Variants in KLHL13 observed in about 807,000 individuals in gnomAD.
KLHL13 encodes kelch like family member 13, also known as kelch-like protein 13.
A neutral mutation model predicts 37.1 loss-of-function variants in KLHL13; 10 were observed. The ratio of observed to expected loss-of-function variants is 0.27; its 90% CI spans 0.17 to 0.46. The LOEUF (loss-of-function observed/expected upper bound fraction) is 0.46, where lower values mean the gene tolerates loss of function less well. KLHL13 is among the 20% of genes least tolerant of loss of function. The pLI, the probability that KLHL13 is intolerant of heterozygous loss-of-function variation, is 1.00. For missense variants in KLHL13, 360 were observed against 509.3 expected, an observed-to-expected ratio of 0.71 and a Z score of 2.82; for synonymous variants, 163 against 181.2, an observed-to-expected ratio of 0.90 and a Z score of 0.81.
chrX:117,905,010 T>C (rs1346128992), intron 5 of KLHL13, among the ~76,000 whole-genome samples: 1 of 111,578 alleles, frequency 9.0e-6, no homozygotes, highest in Middle Eastern at 4.7e-3. Context: ...ATGTGGAATT[T>C]ATTTGTTCTT....
In KLHL13 at chrX:118,023,413, T is replaced by C. The variant is rs746561547; in HGVS notation, c.-55-77838A>G. 3.4e-4 allele frequency among the ~76,000 whole-genome samples: 38 copies of C among 111,383 alleles called. 1 individual carries two copies. Among genetic ancestry groups the C allele is most frequent in the African/African-American group, 1.2e-3 (38 of 30,665 alleles). ...CATGTCTTTTAAGGGCTCTTTTCTA[T>C]TCTTAAAAGGAGCATGTAATTGTTT... On this transcript the variant is annotated intron_variant, in intron 1 of 6. Transcript: ENST00000371882.
At chrX:118,036,670 G>T (rs1391827971) in intron 1 of KLHL13, among the ~76,000 whole-genome samples, 1 of 111,193 alleles carries the variant, frequency 9.0e-6, no homozygotes, top group Non-Finnish European at 1.9e-5. Flanking sequence ...TACCATTCAG[G>T]ACATAGGCAT....
chrX:117,920,473 G>C (rs1004221463), intron 2 of KLHL13, 103 bp from the exon 4 acceptor site: 2 of 823,802 alleles, frequency 2.4e-6, no homozygotes, highest in Non-Finnish European at 3.5e-6. Flanking sequence ...AACATATGTG[G>C]AACATAAAGC....
At chrX:117,974,933 C>T (rs1249772828), upstream of KLHL13, among the ~76,000 whole-genome samples, 2 of 111,776 alleles carry the variant, frequency 1.8e-5, no homozygotes, top group Non-Finnish European at 3.8e-5. Context: ...CCTTTTAGTA[C>T]TTGCACACAA....
At chrX:117,940,352 G>GT (rs1932955001) in intron 2 of KLHL13, among the ~76,000 whole-genome samples, 1 of 111,556 alleles carries the variant, frequency 9.0e-6, no homozygotes, top group Non-Finnish European at 1.9e-5. Flanking sequence ...TAGCCTTGTA[G>GT]TATAGTTTGA....
intron 1 of KLHL13, among the ~76,000 whole-genome samples, chrX:118,058,913 T>C (rs1217794748): frequency 9.0e-6 from 1 of 111,408 alleles, no homozygotes; most frequent in East Asian, 2.8e-4. Flanking sequence ...ATCACAAAGC[T>C]CAAGCACAAA....
At chrX:117,966,591 C>G (rs1481842910) in intron 1 of KLHL13, among the ~76,000 whole-genome samples, 1 of 111,193 alleles carries the variant, frequency 9.0e-6, no homozygotes, top group Non-Finnish European at 1.9e-5. Context: ...AAAAGGAGCC[C>G]ACATTGCCAA....
At chrX:117,963,280 T>C (rs1349244068) in intron 1 of KLHL13, among the ~76,000 whole-genome samples, 4 of 111,556 alleles carry the variant, frequency 3.6e-5, no homozygotes, top group South Asian at 3.8e-4. Context: ...TTTAGTATAA[T>C]TGAAAACACA....
At position 118,048,337 on chromosome X, in the gene KLHL13, T is replaced by A. The variant is rs35324745; in HGVS notation, c.-56+68171A>T. Among the ~76,000 whole-genome samples the A allele has an allele frequency of 7.0e-3, 784 of 111,288 alleles. 11 individuals carry two copies. Among genetic ancestry groups the A allele is most frequent in the African/African-American group, 0.024 (743 of 30,689 alleles). ...ATATACATACACACTCACACACACA[T>A]ACACACAGATATAGAAAAAGGACAA... On this transcript the variant is annotated intron_variant, in intron 1 of 6. Coordinates refer to the KLHL13 transcript ENST00000371882.
At chrX:118,020,278 G>A (rs1176936416) in intron 1 of KLHL13, among the ~76,000 whole-genome samples, 5 of 111,248 alleles carry the variant, frequency 4.5e-5, no homozygotes, top group African/African-American at 1.6e-4. Context: ...GTTCACTCAT[G>A]ATTTGGCTCT....
chrX:118,074,517 T>C (rs2054908086), intron 1 of KLHL13, among the ~76,000 whole-genome samples: 1 of 111,888 alleles, frequency 8.9e-6, no homozygotes, highest in Non-Finnish European at 1.9e-5. Flanking sequence ...TGCTGCTTTC[T>C]GTATGAGCTG....
chrX:117,964,332 T>C (rs2053371992), intron 1 of KLHL13, among the ~76,000 whole-genome samples: 1 of 112,443 alleles, frequency 8.9e-6, no homozygotes, highest in Admixed American at 9.4e-5. Flanking sequence ...AAATCCATTA[T>C]CAATATTGAA....
intron 1 of KLHL13, among the ~76,000 whole-genome samples, chrX:118,037,505 A>C (rs1250047679): frequency 9.7e-6 from 1 of 103,019 alleles, no homozygotes; most frequent in Non-Finnish European, 2.0e-5. Context: ...CAAAAAACCA[A>C]ACACCGCTTA....
chrX:117,972,366 A>G (rs1395333886), intron 1 of KLHL13, among the ~76,000 whole-genome samples: 2 of 112,400 alleles, frequency 1.8e-5, no homozygotes, highest in Non-Finnish European at 3.8e-5. Context: ...ACCATCAATC[A>G]TCAATTTTTA....
At position 118,045,446 on chromosome X, in the gene KLHL13, A is replaced by C. The variant is rs147790519; in HGVS notation, c.-56+71062T>G. Among the ~76,000 whole-genome samples, 200 of 110,689 alleles carry C rather than the reference A, an allele frequency of 1.8e-3. 2 individuals carry two copies. Among genetic ancestry groups the C allele is most frequent in the African/African-American group, 6.2e-3 (190 of 30,464 alleles). On this transcript the variant is annotated intron_variant, in intron 1 of 6. Transcript: ENST00000371882. Reference sequence around the variant, plus strand: ...AGACATTTCTCAAAAGAAGACATACATATGGCAAACAGGCCAATAAAAAGG... The same window carrying C: ...AGACATTTCTCAAAAGAAGACATACCTATGGCAAACAGGCCAATAAAAAGG...
chrX:118,097,773 C>T (rs1402277920), intron 1 of KLHL13, among the ~76,000 whole-genome samples: 4 of 111,177 alleles, frequency 3.6e-5, no homozygotes, highest in Non-Finnish European at 5.7e-5. Context: ...GAAATAACGC[C>T]GCATATCTAC....
At position 117,986,237 on chromosome X, in the gene KLHL13, A is replaced by G. The variant is rs773217366; in HGVS notation, c.-55-40662T>C. ...AAAATTCCGTTGCAACTGAGGCTGA[A>G]GAATGAAGCATACATCAAGTGAACT... On this transcript the variant is annotated intron_variant, in intron 1 of 6. Coordinates refer to the KLHL13 transcript ENST00000371882. Among the ~76,000 whole-genome samples the G allele has an allele frequency of 8.0e-5, 9 of 112,067 alleles. No homozygotes were observed. In the East Asian group the frequency reaches 2.0e-3, roughly 24 times the overall value.
At chrX:117,993,130 T>C (rs973866880) in intron 1 of KLHL13, among the ~76,000 whole-genome samples, 1 of 112,015 alleles carries the variant, frequency 8.9e-6, no homozygotes, top group African/African-American at 3.2e-5. Flanking sequence ...TTCACAGAGG[T>C]GACATCTGAG....
chrX:118,052,314 C>G (rs1186121987), intron 1 of KLHL13, among the ~76,000 whole-genome samples: 36 of 102,164 alleles, frequency 3.5e-4, no homozygotes, highest in African/African-American at 1.2e-3. Context: ...GAGATCGAGA[C>G]CATCCTGGCT....
Sources: allele counts gnomAD v4.1 joint callset (sites outside exome capture counted in the v4.1 genomes callset), GRCh38; gene constraint gnomAD v4.1.1; transcripts MANE v1.5; gene names NCBI Gene and HGNC (gene_info 2026-07-23, HGNC 2026-07-21).